The following PPP1R9A variants were observed in gnomAD, a reference collection of about 807,000 sequenced individuals.
PPP1R9A encodes the protein neurabin-1.
A neutral mutation model predicts 141.9 loss-of-function variants in PPP1R9A; 59 were observed. The ratio of observed to expected loss-of-function variants is 0.42; its 90% CI spans 0.34 to 0.52. The LOEUF (loss-of-function observed/expected upper bound fraction) is 0.52, where lower values mean the gene tolerates loss of function less well. Ranked by LOEUF, PPP1R9A falls within the 20% of genes least tolerant of loss-of-function variation. The pLI is 0.10. For synonymous variants in PPP1R9A, 500 were observed against 569.7 expected (o/e 0.88, Z 1.74); for missense variants, 1,444 against 1,611.9 (o/e 0.90, Z 1.78).
chr7:95,022,186 C>T (rs1020248449), intron 2 of PPP1R9A, among the ~76,000 whole-genome samples: 56 of 152,168 alleles, frequency 3.7e-4, no homozygotes, highest in Non-Finnish European at 7.2e-4. Flanking sequence ...AGGTCCTTCA[C>T]ATCCCTTGTA....
intron 19 of PPP1R9A, among the ~76,000 whole-genome samples, chr7:95,289,140 G>C (rs1465049428): frequency 6.6e-6 from 1 of 152,054 alleles, no homozygotes. Flanking sequence ...TCCCAAACTG[G>C]GATGATGTTC....
At chr7:95,002,418 G>A in intron 2 of PPP1R9A, among the ~76,000 whole-genome samples, 1 of 152,150 alleles carries the variant, frequency 6.6e-6, no homozygotes, top group East Asian at 1.9e-4. Context: ...GCTGAGGTGG[G>A]TGTCTCCAGG....
In PPP1R9A at chr7:95,053,507, A is replaced by T. The variant is rs188641901; in HGVS notation, c.1396-57752A>T. Among the ~76,000 whole-genome samples the T allele has an allele frequency of 3.9e-5, 6 of 152,352 alleles. No homozygotes were observed. In the East Asian group the frequency reaches 1.2e-3, roughly 29 times the overall value. ...TAAGTTTCTTAACACCAATAAAAAT[A>T]AAAATGCTAGATAACAGGAATAACA... is the stretch of plus-strand genomic sequence containing the variant. On this transcript the variant is annotated intron_variant, in intron 2 of 19. Transcript: ENST00000433360.
At position 94,910,844 on chromosome 7, in the gene PPP1R9A, C is replaced by G. The variant is rs746165385; in HGVS notation, c.731C>G (p.Thr244Arg). 6.2e-7 allele frequency: 1 copy of G among 1,613,922 alleles called. No homozygotes were observed. Among genetic ancestry groups the G allele is most frequent in the South Asian group, 1.1e-5 (1 of 91,086 alleles). Reference protein sequence around the residue: ...YPLNLPSVTVTNLDTFGHLKD... With the variant: ...YPLNLPSVTVRNLDTFGHLKD... ...TTGAATTTACCATCTGTTACTGTTA[C>G]AAATCTTGACACATTTGGTCACCTG... is the stretch of plus-strand genomic sequence containing the variant. Residue 244 changes from threonine (T) to arginine (R), a missense_variant, in exon 2 of 20, where the codon ACA (threonine) becomes AGA (arginine). Coordinates refer to ENST00000433360, the MANE Select transcript of PPP1R9A (RefSeq NM_001166160.2). This position sits in a 1 kb window ranked among gnomAD's most constrained non-coding sequence, Gnocchi z 4.5.
chr7:95,208,978 A>AAAAAT (rs1554562097), intron 7 of PPP1R9A, among the ~76,000 whole-genome samples: 2 of 149,082 alleles, frequency 1.3e-5, no homozygotes, highest in African/African-American at 4.9e-5. Flanking sequence ...AAAAAAAAAA[A>AAAAAT]CTCTGATAAA....
chr7:95,003,456 C>A (rs1803209482), intron 2 of PPP1R9A, among the ~76,000 whole-genome samples: 1 of 152,126 alleles, frequency 6.6e-6, no homozygotes, highest in Non-Finnish European at 1.5e-5. Context: ...AAACTAAAGT[C>A]TACCATGTAG....
At chr7:94,941,396 A>G (rs1238148968) in intron 2 of PPP1R9A, among the ~76,000 whole-genome samples, 1 of 152,150 alleles carries the variant, frequency 6.6e-6, no homozygotes, top group Non-Finnish European at 1.5e-5. Flanking sequence ...CAAGATTGGA[A>G]TTGTATCTTT....
At chr7:95,282,581 G>A (rs1217463090) in intron 16 of PPP1R9A, among the ~76,000 whole-genome samples, 1 of 152,146 alleles carries the variant, frequency 6.6e-6, no homozygotes, top group African/African-American at 2.4e-5. Flanking sequence ...TTTACATTAA[G>A]GAGATAAGAT....
At chr7:95,064,589 C>T (rs905583218) in intron 2 of PPP1R9A, among the ~76,000 whole-genome samples, 27 of 152,342 alleles carry the variant, frequency 1.8e-4, no homozygotes, top group Non-Finnish European at 3.1e-4. Flanking sequence ...TTGACCTCAG[C>T]TGGGAACGTG....
intron 4 of PPP1R9A, among the ~76,000 whole-genome samples, chr7:95,148,341 T>A (rs1007060776): frequency 2.0e-5 from 3 of 151,976 alleles, no homozygotes; most frequent in Non-Finnish European, 4.4e-5. Flanking sequence ...ATGACACAAA[T>A]TAGTAATATT....
rs1228034990 is a variant in PPP1R9A at position 95,240,037 on chromosome 7, T to A, written c.2113-7436T>A. On this transcript the variant is annotated intron_variant, in intron 8 of 19. Coordinates refer to ENST00000433360, the MANE Select transcript of PPP1R9A (RefSeq NM_001166160.2). ...TTATTCCTTTTAAAGAATAATTTCT[T>A]CATTCTTATATTCTGAATTTTTTCT... Among the ~76,000 whole-genome samples, 4 of 152,078 alleles carry A rather than the reference T, an allele frequency of 2.6e-5. No individual in the cohort carries two copies. The East Asian group carries it at 5.8e-4, about 22-fold the overall frequency.
intron 2 of PPP1R9A, among the ~76,000 whole-genome samples, chr7:95,078,664 T>C (rs1450203590): frequency 2.0e-5 from 3 of 152,164 alleles, no homozygotes; most frequent in Non-Finnish European, 4.4e-5. Context: ...TTTTTAATGA[T>C]TGCCATTCTA....
rs576861306 is a variant in PPP1R9A, at chr7:95,170,662, C to CCTT, written c.1754+8694_1754+8696dup. On this transcript the variant is annotated intron_variant, in intron 5 of 19. Coordinates refer to ENST00000433360, the MANE Select transcript of PPP1R9A (RefSeq NM_001166160.2). ...TTCAAAATTGAAGATGAAATGAAGA[C>CCTT]CTTCTATACAGAAGCTAAAAGAATT... Among the ~76,000 whole-genome samples, 732 of 151,392 alleles carry CCTT rather than the reference C, an allele frequency of 4.8e-3. 5 individuals are homozygous for CCTT. Among genetic ancestry groups the CCTT allele is most frequent in the African/African-American group, 0.017 (690 of 41,442 alleles).
rs1314898039 is a variant in PPP1R9A, at chr7:95,237,181, T to TATA, written c.2113-10292_2113-10291insATA. The stretch of plus-strand genomic sequence containing the variant: ...TGTGTATGTGTATATATATATATAT[T>TATA]TTTTTTTTTTTATGGTTTTTTGTTT... On this transcript the variant is annotated intron_variant, in intron 8 of 19. Coordinates refer to ENST00000433360, the MANE Select transcript of PPP1R9A (RefSeq NM_001166160.2). Among the ~76,000 whole-genome samples the TATA allele has an allele frequency of 7.3e-3, 894 of 123,210 alleles. 15 individuals are homozygous for TATA. Among genetic ancestry groups the TATA allele is most frequent in the Admixed American group, 0.04 (482 of 12,136 alleles). The allele number at this position is 123,210 out of a possible 152,430, so 80.8% of individuals were successfully genotyped here.
chr7:94,991,882 G>T (rs1438208795), intron 2 of PPP1R9A, among the ~76,000 whole-genome samples: 2 of 152,134 alleles, frequency 1.3e-5, no homozygotes, highest in African/African-American at 4.8e-5. Flanking sequence ...GAACTCCTGA[G>T]CTCAAACGAT....
chr7:94,998,932 G>A (rs1415670374), intron 2 of PPP1R9A, among the ~76,000 whole-genome samples: 1 of 152,030 alleles, frequency 6.6e-6, no homozygotes, highest in East Asian at 1.9e-4. Flanking sequence ...CCTGGCAAAT[G>A]TTTGGTAGAG....
intron 2 of PPP1R9A, among the ~76,000 whole-genome samples, chr7:94,920,795 T>A (rs1792696996): frequency 6.6e-6 from 1 of 152,196 alleles, no homozygotes; most frequent in African/African-American, 2.4e-5. Context: ...GCAGTGAGAA[T>A]CTTGCGGATT....
chr7:95,164,277 T>C (rs1830859037), intron 5 of PPP1R9A, among the ~76,000 whole-genome samples: 1 of 152,210 alleles, frequency 6.6e-6, no homozygotes, highest in African/African-American at 2.4e-5. Context: ...AATAGGTGTA[T>C]AGTGGAATCT....
intron 12 of PPP1R9A, among the ~76,000 whole-genome samples, chr7:95,267,410 A>G (rs1043217132): frequency 7.2e-5 from 11 of 152,174 alleles, no homozygotes; most frequent in African/African-American, 2.7e-4. Flanking sequence ...AGGATTAATG[A>G]TCAAACTCCT....
Sources: gnomAD v4.1 joint callset for allele counts (sites outside exome capture counted in the v4.1 genomes callset) on GRCh38, gnomAD v4.1.1 for gene constraint, Gnocchi (gnomAD v3.1) non-coding constraint, MANE v1.5 for transcripts, NCBI Gene and HGNC (gene_info 2026-07-23, HGNC 2026-07-21) for gene names.